The following TBC1D22A variants were observed in gnomAD, a reference collection of about 807,000 sequenced individuals.
The protein encoded by TBC1D22A is putative GTPase activator.
Under a neutral mutation model 60.2 loss-of-function variants are expected in TBC1D22A, and 38 were observed. That is an observed-to-expected ratio of 0.63 (90% CI 0.49 to 0.83). The LOEUF is 0.83. TBC1D22A is among the 40% of genes least tolerant of loss of function. TBC1D22A has a pLI of 0.00. For missense variants in TBC1D22A, 628 were observed against 701.0 expected (o/e 0.90, Z 1.18); for synonymous variants, 302 against 281.7 (o/e 1.07, Z -0.72).
intron 4 of TBC1D22A, 63 bp from the exon 5 acceptor site, chr22:46,878,590 A>C: frequency 2.1e-6 from 3 of 1,421,028 alleles, no homozygotes; most frequent in Non-Finnish European, 3.0e-6. Flanking sequence ...GTGTTAAAGC[A>C]CTGGGGAGGT....
At chr22:47,066,904 G>T (rs1325947102) in intron 11 of TBC1D22A, among the ~76,000 whole-genome samples, 1 of 152,158 alleles carries the variant, frequency 6.6e-6, no homozygotes, top group Non-Finnish European at 1.5e-5. Flanking sequence ...CCTATTAAAA[G>T]GGTTTGACTC....
At chr22:47,122,483 C>G (rs2066304254) in intron 12 of TBC1D22A, among the ~76,000 whole-genome samples, 1 of 152,100 alleles carries the variant, frequency 6.6e-6, no homozygotes, top group African/African-American at 2.4e-5. Flanking sequence ...CCTTTGAGCC[C>G]CTCCAAGCTG....
At chr22:46,828,392 A>T (rs2086162331) in intron 4 of TBC1D22A, among the ~76,000 whole-genome samples, 1 of 152,270 alleles carries the variant, frequency 6.6e-6, no homozygotes, top group Admixed American at 6.5e-5. Context: ...TTCTAACAAC[A>T]TGTCCACTTG....
At chr22:46,911,720 G>A (rs2147780819) in intron 7 of TBC1D22A, among the ~76,000 whole-genome samples, 1 of 152,110 alleles carries the variant, frequency 6.6e-6, no homozygotes, top group East Asian at 1.9e-4. Flanking sequence ...GAGTTCACAA[G>A]CAGCCTGGCC....
At chr22:46,941,452 T>G (rs538766517) in intron 8 of TBC1D22A, among the ~76,000 whole-genome samples, 51 of 140,090 alleles carry the variant, frequency 3.6e-4, no homozygotes, top group African/African-American at 1.4e-3. Flanking sequence ...GGAATATATA[T>G]ACGGAATATA....
At chr22:47,148,301 G>A (rs756051056) in intron 12 of TBC1D22A, among the ~76,000 whole-genome samples, 3 of 148,794 alleles carry the variant, frequency 2.0e-5, no homozygotes, top group Non-Finnish European at 3.0e-5. Context: ...CTCTGCAGCC[G>A]CTGGACGAGG....
At chr22:46,982,131 G>A (rs1043181527) in intron 9 of TBC1D22A, among the ~76,000 whole-genome samples, 1 of 152,154 alleles carries the variant, frequency 6.6e-6, no homozygotes, top group African/African-American at 2.4e-5. Context: ...GACAGCTCTG[G>A]AAAGTCTGTC....
At chr22:47,058,483 C>T (rs1255751289) in intron 11 of TBC1D22A, among the ~76,000 whole-genome samples, 1 of 152,100 alleles carries the variant, frequency 6.6e-6, no homozygotes, top group African/African-American at 2.4e-5. Flanking sequence ...ACCACCCAGT[C>T]TAGTCCAGCA....
intron 10 of TBC1D22A, among the ~76,000 whole-genome samples, chr22:47,013,540 G>C (rs2061818201): frequency 6.6e-6 from 1 of 152,206 alleles, no homozygotes; most frequent in African/African-American, 2.4e-5. Context: ...CAAGTAGCTA[G>C]AGAGACTGTG....
intron 4 of TBC1D22A, among the ~76,000 whole-genome samples, chr22:46,819,593 G>A (rs188782934): frequency 2.4e-3 from 363 of 152,310 alleles, no homozygotes; most frequent in African/African-American, 8.3e-3. Flanking sequence ...AAGCCTACCT[G>A]ATCATGGTGG....
intron 5 of TBC1D22A, among the ~76,000 whole-genome samples, chr22:46,885,333 C>T (rs1453740917): frequency 6.6e-6 from 1 of 152,138 alleles, no homozygotes; most frequent in African/African-American, 2.4e-5. Context: ...AGTTTGCCTT[C>T]GTGTCCATGT....
chr22:47,171,755 G>T (rs891557085), intron 12 of TBC1D22A, among the ~76,000 whole-genome samples: 2 of 152,234 alleles, frequency 1.3e-5, no homozygotes, highest in East Asian at 1.9e-4. Context: ...GGTCGTGGGG[G>T]GTCCCCCGAG....
intron 8 of TBC1D22A, among the ~76,000 whole-genome samples, chr22:46,950,508 C>T (rs533651111): frequency 1.3e-5 from 2 of 152,150 alleles, no homozygotes; most frequent in Non-Finnish European, 2.9e-5. Flanking sequence ...CTGGACTGTC[C>T]TTTAGGGCCG....
At chr22:46,999,747 C>T (rs922953776) in intron 10 of TBC1D22A, among the ~76,000 whole-genome samples, 6 of 152,178 alleles carry the variant, frequency 3.9e-5, no homozygotes, top group Admixed American at 6.5e-5. Context: ...CTTCTCAGGC[C>T]GGGCGCGGTG....
chr22:46,849,038 T>C (rs2087150503), intron 4 of TBC1D22A, among the ~76,000 whole-genome samples: 1 of 152,170 alleles, frequency 6.6e-6, no homozygotes, highest in Non-Finnish European at 1.5e-5. Context: ...AGATCCTGGA[T>C]TCACCACTTA....
intron 11 of TBC1D22A, among the ~76,000 whole-genome samples, chr22:47,054,624 C>A (rs772779281): frequency 3.9e-5 from 6 of 152,196 alleles, no homozygotes; most frequent in Non-Finnish European, 8.8e-5. Flanking sequence ...TCAGGCCCTT[C>A]GAATCCTGGG....
chr22:46,960,186 C>T (rs910378671), intron 8 of TBC1D22A, among the ~76,000 whole-genome samples: 13 of 152,132 alleles, frequency 8.5e-5, no homozygotes, highest in African/African-American at 2.2e-4. Context: ...GTTATTAGTG[C>T]GTTTTTCACG....
In TBC1D22A at chr22:46,802,225, A is replaced by G. The variant is rs375932541; in HGVS notation, c.637+4605A>G. Among the ~76,000 whole-genome samples, 25 of 152,292 alleles carry G rather than the reference A, an allele frequency of 1.6e-4. No individual in the cohort carries two copies. The South Asian group carries it at 1.9e-3, about 11-fold the overall frequency. ...AGGCACTGGGGAGGAATCGGCGGCGAGGCTTGCGAGGGCCCTGCCCTCAAG... is the reference window on the plus strand; with the variant it reads ...AGGCACTGGGGAGGAATCGGCGGCGGGGCTTGCGAGGGCCCTGCCCTCAAG... On this transcript the variant is annotated intron_variant, in intron 4 of 12. Transcript: ENST00000337137.
At chr22:46,857,546 A>G (rs1018477379) in intron 4 of TBC1D22A, among the ~76,000 whole-genome samples, 12 of 152,196 alleles carry the variant, frequency 7.9e-5, no homozygotes, top group Non-Finnish European at 1.3e-4. Flanking sequence ...TGTACAATTC[A>G]GTGGTTTTTA....
Sources: allele counts gnomAD v4.1 joint callset (sites outside exome capture counted in the v4.1 genomes callset), GRCh38; gene constraint gnomAD v4.1.1; transcripts MANE v1.5; gene names NCBI Gene and HGNC (gene_info 2026-07-23, HGNC 2026-07-21).